SH3BGRL: variants seen among roughly 807,000 people sequenced by gnomAD.
The protein encoded by SH3BGRL is adapter SH3BGRL.
In SH3BGRL, 7 loss-of-function variants were observed where a neutral mutation model predicts 9.8. That is an observed-to-expected ratio of 0.72 (90% confidence interval 0.41 to 1.35). SH3BGRL has a LOEUF of 1.35. SH3BGRL is among the 40% of genes most tolerant of loss of function. SH3BGRL has a pLI of 0.01. For missense variants in SH3BGRL, 73 were observed against 84.4 expected (o/e 0.86, Z 0.53); for synonymous variants, 36 against 29.1 (o/e 1.24, Z -0.76).
chrX:81,228,818 A>G (rs2075624474), intron 1 of SH3BGRL, among the ~76,000 whole-genome samples: 1 of 112,315 alleles, frequency 8.9e-6, no homozygotes, highest in South Asian at 3.7e-4. Flanking sequence ...TTTGTTACAT[A>G]TAATGTAAAT....
At chrX:81,267,267 G>A (rs1250171708) in intron 1 of SH3BGRL, among the ~76,000 whole-genome samples, 1 of 111,792 alleles carries the variant, frequency 8.9e-6, no homozygotes, top group Non-Finnish European at 1.9e-5. Context: ...GTGAGAAAAG[G>A]CATCCCTGTC....
At chrX:81,213,508 C>A (rs181967197) in intron 1 of SH3BGRL, among the ~76,000 whole-genome samples, 217 of 111,936 alleles carry the variant, frequency 1.9e-3, no homozygotes, top group Middle Eastern at 9.1e-3. Context: ...TAAGCTTTAG[C>A]AATTGCCTCT....
chrX:81,212,377 A>G (rs906851903), intron 1 of SH3BGRL, among the ~76,000 whole-genome samples: 4 of 112,094 alleles, frequency 3.6e-5, no homozygotes, highest in African/African-American at 1.3e-4. Context: ...AAAGTGAGCA[A>G]AATGGAAGTG....
At chrX:81,208,261 CA>C (rs1301347391) in intron 1 of SH3BGRL, among the ~76,000 whole-genome samples, 18 of 100,484 alleles carry the variant, frequency 1.8e-4, no homozygotes, top group Non-Finnish European at 2.2e-4. Flanking sequence ...GACACCGTCT[CA>C]AAAAAAAAAA....
chrX:81,206,024 A>T (rs2075546927), intron 1 of SH3BGRL, among the ~76,000 whole-genome samples: 1 of 111,382 alleles, frequency 9.0e-6, no homozygotes, highest in Non-Finnish European at 1.9e-5. Flanking sequence ...TGAAATGTTT[A>T]TTGAAATCAT....
intron 3 of SH3BGRL, among the ~76,000 whole-genome samples, chrX:81,287,447 C>T (rs1366218314): frequency 2.7e-5 from 3 of 111,681 alleles, no homozygotes; most frequent in African/African-American, 9.8e-5. Flanking sequence ...CTGAACAGAC[C>T]AATTACAAGT....
intron 3 of SH3BGRL, among the ~76,000 whole-genome samples, chrX:81,278,629 C>G (rs1384788878): frequency 8.9e-6 from 1 of 112,192 alleles, no homozygotes; most frequent in African/African-American, 3.2e-5. Context: ...GGTAGAGTGA[C>G]TTCCCCATCA....
intron 1 of SH3BGRL, among the ~76,000 whole-genome samples, chrX:81,229,083 G>A (rs1009483213): frequency 8.9e-6 from 1 of 111,821 alleles, no homozygotes. Context: ...TGTGTCCAGA[G>A]GCTGTGGAGC....
chrX:81,205,502 G>GTA (rs770003979), intron 1 of SH3BGRL, among the ~76,000 whole-genome samples: 2,005 of 88,828 alleles, frequency 0.023, 25 homozygotes, highest in Middle Eastern at 0.039. Context: ...GTGTGTGTGT[G>GTA]TGTATATATA....
chrX:81,241,005 C>G lies in SH3BGRL; in HGVS notation c.46-35979C>G, dbSNP rs192114724. On this transcript the variant is annotated intron_variant, in intron 1 of 3. Transcript: ENST00000373212. ...TTGTGAACCCAGGCATCCTTGCCCT[C>G]TCAGGGGCCTGGAAATCCATCCCTG... Among the ~76,000 whole-genome samples the G allele has an allele frequency of 4.4e-5, 5 of 112,971 alleles. No homozygotes were observed. The East Asian group carries it at 1.4e-3, about 32-fold the overall frequency.
At chrX:81,280,219 C>A (rs1443605710) in intron 3 of SH3BGRL, among the ~76,000 whole-genome samples, 2 of 110,578 alleles carry the variant, frequency 1.8e-5, no homozygotes, top group Non-Finnish European at 3.8e-5. Flanking sequence ...GCCCCTCCCC[C>A]ACCTGATGGT....
At chrX:81,293,922 A>G (rs2075866142) in intron 3 of SH3BGRL, among the ~76,000 whole-genome samples, 1 of 111,840 alleles carries the variant, frequency 8.9e-6, no homozygotes, top group Non-Finnish European at 1.9e-5. Flanking sequence ...ATGTTTTAGC[A>G]AAGAGACTGG....
At chrX:81,255,535 A>G (rs1335172637) in intron 1 of SH3BGRL, 1 of 112,089 alleles carries the variant, frequency 8.9e-6, no homozygotes, top group Non-Finnish European at 1.9e-5. Flanking sequence ...AAGGATATAT[A>G]AAATGAATTT....
intron 1 of SH3BGRL, among the ~76,000 whole-genome samples, chrX:81,254,959 C>T (rs1473750687): frequency 3.8e-5 from 4 of 105,608 alleles, no homozygotes; most frequent in African/African-American, 7.0e-5. Flanking sequence ...GGCACGATCT[C>T]GGCTCACTGC....
Position 81,261,085 on chromosome X carries a change from A to G in SH3BGRL, c.46-15899A>G, listed in dbSNP as rs781161883. Among the ~76,000 whole-genome samples, 3 of 111,623 alleles carry G rather than the reference A, an allele frequency of 2.7e-5. No individual in the cohort carries two copies. In the South Asian group the frequency reaches 1.1e-3, roughly 42 times the overall value. ...TTGTAAAAGATTGTCGACCTTCTAT[A>G]AAAATCTCTTAAGAAAAAAGCCATA... On this transcript the variant is annotated intron_variant, in intron 1 of 3. Transcript: ENST00000373212.
rs1301130781 is a variant in SH3BGRL at position 81,281,287 on chromosome X, A to G, written c.312+2876A>G. On this transcript the variant is annotated intron_variant, in intron 3 of 3. Transcript: ENST00000373212. ...CAAGGAAAACTTCCCTGGCCTAGCT[A>G]GATATATATACATCCAAATACAAGA... Among the ~76,000 whole-genome samples the G allele has an allele frequency of 2.2e-4, 24 of 111,513 alleles. No homozygotes were observed. The Admixed American group carries it at 2.3e-3, about 11-fold the overall frequency.
intron 1 of SH3BGRL, among the ~76,000 whole-genome samples, chrX:81,223,511 G>T (rs2075607175): frequency 9.1e-6 from 1 of 109,970 alleles, no homozygotes; most frequent in Non-Finnish European, 1.9e-5. Context: ...AGCTAATTTT[G>T]TTTTGAAAAG....
rs2075580470 is a variant in SH3BGRL, at chrX:81,216,016, A to G, written c.45+13771A>G. Among the ~76,000 whole-genome samples the G allele has an allele frequency of 3.6e-5, 4 of 111,908 alleles. No homozygotes were observed. The Admixed American group carries it at 3.8e-4, about 11-fold the overall frequency. On this transcript the variant is annotated intron_variant, in intron 1 of 3. Coordinates refer to ENST00000373212, the MANE Select transcript of SH3BGRL (RefSeq NM_003022.3). Reference sequence around the variant, plus strand: ...ACTAAATTCCCTTTTTCATTATCTAAAAAATGCCTTTTAGACTTTTCTATA... The same window carrying G: ...ACTAAATTCCCTTTTTCATTATCTAGAAAATGCCTTTTAGACTTTTCTATA...
chrX:81,213,033 G>A (rs367923913), intron 1 of SH3BGRL, among the ~76,000 whole-genome samples: 3 of 112,172 alleles, frequency 2.7e-5, no homozygotes, highest in South Asian at 7.3e-4. Context: ...TATAAAACTA[G>A]CGATAGAGTG....
Sources: gnomAD v4.1 joint callset for allele counts (sites outside exome capture counted in the v4.1 genomes callset) on GRCh38, gnomAD v4.1.1 for gene constraint, MANE v1.5 for transcripts, NCBI Gene and HGNC (gene_info 2026-07-23, HGNC 2026-07-21) for gene names.